The following COQ5 variants were observed in gnomAD, a reference collection of about 807,000 sequenced individuals.
The protein encoded by COQ5 is coenzyme Q5, methyltransferase, also known as 2-methoxy-6-polyprenyl-1,4-benzoquinol methylase, mitochondrial.
A neutral mutation model predicts 40.5 loss-of-function variants in COQ5; 27 were observed. The ratio of observed to expected loss-of-function variants is 0.67; its 90% CI spans 0.49 to 0.92. The LOEUF (loss-of-function observed/expected upper bound fraction) is 0.92. Ranked by LOEUF, COQ5 falls within the 40% of genes least tolerant of loss-of-function variation. The probability of loss-of-function intolerance (pLI) is 0.00; values close to 1 mark genes in which losing one functional copy is unlikely to be tolerated. For missense variants in COQ5, 409 were observed against 406.4 expected (o/e 1.01, Z -0.06); for synonymous variants, 141 against 150.0 (o/e 0.94, Z 0.44).
At chr12:120,513,266 G>A (rs1869220301) in intron 3 of COQ5, among the ~76,000 whole-genome samples, 1 of 149,872 alleles carries the variant, frequency 6.7e-6, no homozygotes, top group African/African-American at 2.4e-5. Flanking sequence ...CACTTTGGGA[G>A]GCCGAGGCGG....
intron 1 of COQ5, among the ~76,000 whole-genome samples, chr12:120,523,719 A>G (rs1869785332): frequency 6.6e-6 from 1 of 152,110 alleles, no homozygotes; most frequent in Admixed American, 6.6e-5. Flanking sequence ...GATCCATTAG[A>G]AGTATGCATA....
chr12:120,506,713 G>A (rs1457909517), intron 4 of COQ5, among the ~76,000 whole-genome samples: 4 of 152,034 alleles, frequency 2.6e-5, no homozygotes, highest in Non-Finnish European at 5.9e-5. Flanking sequence ...TTCAAGAAAA[G>A]TAGTTTTGAA....
intron 2 of COQ5, among the ~76,000 whole-genome samples, chr12:120,517,626 G>A (rs996605558): frequency 6.7e-6 from 1 of 150,130 alleles, no homozygotes; most frequent in African/African-American, 2.4e-5. Context: ...AGCTTGCAGT[G>A]AGCCAAGATC....
At chr12:120,514,030 G>A (rs1200987787) in intron 3 of COQ5, among the ~76,000 whole-genome samples, 1 of 152,154 alleles carries the variant, frequency 6.6e-6, no homozygotes, top group East Asian at 1.9e-4. Context: ...TGCAATGGAA[G>A]AGATGATTCC....
intron 4 of COQ5, among the ~76,000 whole-genome samples, chr12:120,508,656 A>C (rs1160630008): frequency 6.6e-6 from 1 of 152,224 alleles, no homozygotes. Flanking sequence ...AGAAGCACTG[A>C]ATGGGAGAGG....
intron 1 of COQ5, among the ~76,000 whole-genome samples, chr12:120,525,901 G>A: frequency 6.6e-6 from 1 of 151,150 alleles, no homozygotes; most frequent in Non-Finnish European, 1.5e-5. Flanking sequence ...CTCCAGCCTG[G>A]GCGACAGAGC....
chr12:120,504,656 A>G, intron 5 of COQ5: 1 of 509,970 alleles, frequency 2.0e-6, no homozygotes. Flanking sequence ...CCATTGGACC[A>G]GGCATTTCCT....
At chr12:120,509,363 A>T (rs1364157615) in intron 4 of COQ5, among the ~76,000 whole-genome samples, 1 of 152,190 alleles carries the variant, frequency 6.6e-6, no homozygotes, top group Non-Finnish European at 1.5e-5. Context: ...CAAAAAATAA[A>T]GTAGGAACAA....
intron 4 of COQ5, among the ~76,000 whole-genome samples, chr12:120,509,426 GC>G (rs1869027718): frequency 1.3e-5 from 2 of 152,300 alleles, no homozygotes. Flanking sequence ...CTGTAGAAAA[GC>G]CATGAATCCA....
intron 3 of COQ5, among the ~76,000 whole-genome samples, chr12:120,511,780 G>C (rs1048117872): frequency 6.6e-6 from 1 of 152,106 alleles, no homozygotes; most frequent in Non-Finnish European, 1.5e-5. Flanking sequence ...GTCAGTAAAC[G>C]AATGAATCCA....
At chr12:120,528,143 A>G (rs1469063764) in intron 1 of COQ5, among the ~76,000 whole-genome samples, 2 of 151,756 alleles carry the variant, frequency 1.3e-5, no homozygotes, top group South Asian at 2.1e-4. Flanking sequence ...CTGAGGTTGC[A>G]GTGAGCCCAT....
At chr12:120,504,437 A>G in intron 5 of COQ5, 2 of 231,234 alleles carry the variant, frequency 8.6e-6, no homozygotes, top group South Asian at 4.7e-5. Flanking sequence ...TTTTTTAGAG[A>G]TAGGGTCTCA....
chr12:120,503,957 A>G lies in COQ5; in HGVS notation c.882+13T>C, dbSNP rs749343199. On this transcript the variant is annotated intron_variant, in intron 6 of 6. Transcript: ENST00000288532. ...CTGTAGGGCCTTTGTTTAAAGCTATAGAAGTTTCATACCTGAGACGGAAAC... is the reference window on the plus strand; with the variant it reads ...CTGTAGGGCCTTTGTTTAAAGCTATGGAAGTTTCATACCTGAGACGGAAAC... 1.0e-5 allele frequency: 16 copies of G among 1,602,102 alleles called. No homozygotes were observed. Among genetic ancestry groups the G allele is most frequent in the Non-Finnish European group, 1.4e-5 (16 of 1,169,092 alleles).
rs1017877611 is a variant in COQ5, at chr12:120,507,308, G to A, written c.682-2325C>T. Among the ~76,000 whole-genome samples the A allele has an allele frequency of 9.5e-5, 14 of 147,780 alleles. 1 individual carries two copies. Among genetic ancestry groups the A allele is most frequent in the South Asian group, 4.3e-4 (2 of 4,678 alleles). On this transcript the variant is annotated intron_variant, in intron 4 of 6. Coordinates refer to ENST00000288532, the MANE Select transcript of COQ5 (RefSeq NM_032314.4). ...AACTTATTTTTTTTTTTTTTGAGAC[G>A]GAGTCTCGTTCTGTCGCCCAGGCTG...
rs530343919 is a variant in COQ5, at chr12:120,528,112, G to A, written c.202+828C>T. ...AGCTACTCAGGAGGCTGAGGCAGGAGGATCGCTTGAACCTAGGAGGCTGAG... is the reference window on the plus strand; with the variant it reads ...AGCTACTCAGGAGGCTGAGGCAGGAAGATCGCTTGAACCTAGGAGGCTGAG... On this transcript the variant is annotated intron_variant, in intron 1 of 6. Transcript: ENST00000288532. 7.9e-5 allele frequency among the ~76,000 whole-genome samples: 12 copies of A among 151,412 alleles called. No homozygotes were observed. In the East Asian group the frequency reaches 2.1e-3, roughly 27 times the overall value.
chr12:120,522,491 T>C, intron 1 of COQ5, 128 bp from the exon 2 acceptor site: 1 of 840,010 alleles, frequency 1.2e-6, no homozygotes. Flanking sequence ...TAAGTCGTAA[T>C]GCTTGATGCC....
chr12:120,526,122 A>G (rs1332403607), intron 1 of COQ5, among the ~76,000 whole-genome samples: 5 of 152,232 alleles, frequency 3.3e-5, no homozygotes, highest in Non-Finnish European at 7.3e-5. Flanking sequence ...CTATGTAAAT[A>G]ACAGATACAC....
chr12:120,528,839 A>C (rs1043303022), intron 1 of COQ5, 101 bp downstream of exon 1: 25 of 1,118,894 alleles, frequency 2.2e-5, no homozygotes, highest in Non-Finnish European at 3.0e-5. Flanking sequence ...CACAGACAAC[A>C]ACACTGGAAC....
chr12:120,503,961 G>T lies in COQ5; in HGVS notation c.882+9C>A. On this transcript the variant is annotated intron_variant, in intron 6 of 6. Transcript: ENST00000288532. ...AGGGCCTTTGTTTAAAGCTATAGAA[G>T]TTTCATACCTGAGACGGAAACCTTC... The T allele has an allele frequency of 6.2e-7, 1 of 1,605,256 alleles. No individual in the cohort carries two copies. Among genetic ancestry groups the T allele is most frequent in the Non-Finnish European group, 8.5e-7 (1 of 1,171,928 alleles).
Sources: gnomAD v4.1 joint callset for allele counts (sites outside exome capture counted in the v4.1 genomes callset) on GRCh38, gnomAD v4.1.1 for gene constraint, MANE v1.5 for transcripts, NCBI Gene and HGNC (gene_info 2026-07-23, HGNC 2026-07-21) for gene names.